The following MYO1A variants were observed in gnomAD, a reference collection of about 807,000 sequenced individuals.
MYO1A encodes unconventional myosin-Ia.
A neutral mutation model predicts 138.5 loss-of-function variants in MYO1A; 127 were observed. The observed-to-expected ratio is 0.92, with a 90% CI of 0.79 to 1.06. MYO1A has a LOEUF of 1.06. MYO1A is among the 50% of genes least tolerant of loss of function. The pLI is 0.00. For synonymous variants in MYO1A, 477 were observed against 497.5 expected (o/e 0.96, Z 0.55); for missense variants, 1,211 against 1,288.8 (o/e 0.94, Z 0.92).
chr12:57,037,455 C>T (rs2030611105), intron 19 of MYO1A, 93 bp downstream of exon 19: 1 of 1,110,354 alleles, frequency 9.0e-7, no homozygotes, highest in Admixed American at 1.7e-5. Flanking sequence ...TGATCCATTC[C>T]AGGTTATACA....
Position 57,036,826 on chromosome 12 carries a change from A to T in MYO1A, c.2220T>A (p.Tyr740Ter). The T allele has an allele frequency of 6.2e-7, 1 of 1,614,240 alleles. No individual in the cohort carries two copies. Among genetic ancestry groups the T allele is most frequent in the Non-Finnish European group, 8.5e-7 (1 of 1,180,048 alleles). ...WFRGNMQKKC[Y>*]GKIKASVLLI... Reference sequence around the variant, plus strand: ...ATAACACGGATGCCTTTATCTTCCCATAGCATTTCTTTTGCTGTAGAAAAC... The same window carrying T: ...ATAACACGGATGCCTTTATCTTCCCTTAGCATTTCTTTTGCTGTAGAAAAC... Residue 740 changes from tyrosine to a stop codon, truncating the protein, a stop_gained, in exon 21 of 28, where the codon TAT becomes TAA. Transcript: ENST00000300119. LOFTEE classifies it high-confidence loss of function.
intron 22 of MYO1A, among the ~76,000 whole-genome samples, chr12:57,034,743 C>T (rs1481676185): frequency 1.3e-5 from 2 of 151,690 alleles, no homozygotes; most frequent in Non-Finnish European, 2.9e-5. Context: ...CCGAGATGGG[C>T]GGGTCACTTG....
chr12:57,041,726 T>G (rs1430524310), intron 12 of MYO1A, among the ~76,000 whole-genome samples: 1 of 151,912 alleles, frequency 6.6e-6, no homozygotes, highest in African/African-American at 2.4e-5. Context: ...AGGATGGTGC[T>G]CCGATGGTAC....
Position 57,038,865 on chromosome 12 carries a change from G to A in MYO1A, c.1477C>T (p.Gln493Ter). ...ESKVTQNAQR[Q>*]YDHTMGLSCF... ...CTGAGGCCCATGGTGTGGTCATACT[G>A]ACGCTGGGCATTCTGGGTGACTTTG... is the stretch of plus-strand genomic sequence containing the variant. The change falls in exon 16 of 28, where the codon CAG (glutamine) becomes TAG (stop). Residue 493 changes from glutamine to a stop codon, truncating the protein, a stop_gained. Coordinates refer to ENST00000300119, the MANE Select transcript of MYO1A (RefSeq NM_005379.4). LOFTEE classifies it high-confidence loss of function. 2 of 1,614,190 alleles carry A rather than the reference G, an allele frequency of 1.2e-6. No homozygotes were observed. The highest frequency in any genetic ancestry group is 1.7e-6 in the Non-Finnish European group (2 of 1,180,044).
At chr12:57,036,134 G>A (rs2030530095) in intron 22 of MYO1A, among the ~76,000 whole-genome samples, 173 bp downstream of exon 22, 1 of 152,190 alleles carries the variant, frequency 6.6e-6, no homozygotes, top group South Asian at 2.1e-4. Context: ...CCGAGTCCAA[G>A]GCACTGGGGC....
chr12:57,047,505 A>G, intron 4 of MYO1A, 98 bp from the exon 5 acceptor site: 1 of 1,488,886 alleles, frequency 6.7e-7, no homozygotes, highest in Non-Finnish European at 9.4e-7. Context: ...CACCCCTTGG[A>G]GTCAGAAAAA....
rs751946820 is a variant in MYO1A at position 57,039,244 on chromosome 12, C to G, written c.1300G>C (p.Asp434His). 2.5e-5 allele frequency: 40 copies of G among 1,614,140 alleles called. No homozygotes were observed. Among genetic ancestry groups the G allele is most frequent in the Non-Finnish European group, 3.1e-5 (37 of 1,180,008 alleles). The change falls in exon 15 of 28, where the codon GAT (aspartate) becomes CAT (histidine). Residue 434 changes from aspartate to histidine, a missense_variant. Transcript: ENST00000300119. Reference sequence around the variant, plus strand: ...ATGAGCTTACAAATGATGCCATTATCAAAGTAGTCCACCTTTGTCCACGGT... The same window carrying G: ...ATGAGCTTACAAATGATGCCATTATGAAAGTAGTCCACCTTTGTCCACGGT... ...GIPWTKVDYF[D>H]NGIICKLIEH...
chr12:57,042,999 G>T, intron 12 of MYO1A, 73 bp downstream of exon 12: 1 of 1,473,356 alleles, frequency 6.8e-7, no homozygotes, highest in Non-Finnish European at 9.5e-7. Context: ...CAGAAACCAA[G>T]ATATAGGGCT....
At position 57,028,896 on chromosome 12, in the gene MYO1A, GA is replaced by G; in HGVS notation, c.3006-16del. ...TCACTGAGAACCTGGAGAGGGAACAGAAAACCAAGTCTAGTGCCCATCCCCT... is the reference window on the plus strand; with the variant it reads ...TCACTGAGAACCTGGAGAGGGAACAGAAACCAAGTCTAGTGCCCATCCCCT... On this transcript the variant is annotated splice_polypyrimidine_tract_variant and intron_variant, in intron 27 of 27. Transcript: ENST00000300119. 1 of 1,613,792 alleles carries G rather than the reference GA, an allele frequency of 6.2e-7. No individual in the cohort carries two copies. Among genetic ancestry groups the G allele is most frequent in the Non-Finnish European group, 8.5e-7 (1 of 1,179,864 alleles).
At position 57,036,296 on chromosome 12, in the gene MYO1A, C is replaced by T; in HGVS notation, c.2349+11G>A. The T allele has an allele frequency of 6.2e-7, 1 of 1,613,292 alleles. No individual in the cohort carries two copies. Among genetic ancestry groups the T allele is most frequent in the East Asian group, 2.2e-5 (1 of 44,882 alleles). ...CCATCCCTAACATCCACCCTAACCCCTACCACTTACCATGCTCTTGTAGAT... is the reference window on the plus strand; with the variant it reads ...CCATCCCTAACATCCACCCTAACCCTTACCACTTACCATGCTCTTGTAGAT... On this transcript the variant is annotated intron_variant, in intron 22 of 27. Coordinates refer to ENST00000300119, the MANE Select transcript of MYO1A (RefSeq NM_005379.4).
intron 27 of MYO1A, 88 bp downstream of exon 27, chr12:57,029,044 C>T (rs2030124115): frequency 1.2e-6 from 2 of 1,612,044 alleles, no homozygotes; most frequent in Non-Finnish European, 1.7e-6. Flanking sequence ...CACTGCCCTA[C>T]ATGCTTCGCT....
chr12:57,029,944 C>G, intron 24 of MYO1A, 72 bp from the exon 25 acceptor site: 1 of 1,610,864 alleles, frequency 6.2e-7, no homozygotes, highest in East Asian at 2.2e-5. Flanking sequence ...AGTTCCCATC[C>G]TAGTCCTCCC....
chr12:57,038,908 C>A lies in MYO1A; in HGVS notation c.1434G>T (p.Lys478Asn). The change falls in exon 16 of 28, where the codon AAG (lysine) becomes AAT (asparagine). Residue 478 changes from lysine to asparagine, a missense_variant. Lys to Asn is a moderately conservative substitution (Grantham distance 94). Coordinates refer to ENST00000300119, the MANE Select transcript of MYO1A (RefSeq NM_005379.4). ...FLAKLNQLFS[K>N]HGHYESKVTQ... is the part of the protein sequence containing the mutation. ...TGACTTTGCTCTCGTAGTGGCCATG[C>A]TTGGAGAAGAGCTGGTTCAGCTTTG... 1.2e-6 allele frequency: 2 copies of A among 1,614,180 alleles called. No individual in the cohort carries two copies. Among genetic ancestry groups the A allele is most frequent in the Non-Finnish European group, 1.7e-6 (2 of 1,180,028 alleles).
At chr12:57,046,960 T>C in intron 6 of MYO1A, 34 bp from the exon 7 acceptor site, 1 of 1,612,254 alleles carries the variant, frequency 6.2e-7, no homozygotes, top group Non-Finnish European at 8.5e-7. Flanking sequence ...AGACTTAGCT[T>C]CTTCCTCTTC....
Position 57,047,697 on chromosome 12 carries a change from G to A in MYO1A, c.255C>T (p.Tyr85=). 1.2e-6 allele frequency: 2 copies of A among 1,614,182 alleles called. No individual in the cohort carries two copies. Among genetic ancestry groups the A allele is most frequent in the Non-Finnish European group, 1.7e-6 (2 of 1,180,032 alleles). The change falls in exon 4 of 28, where the codon TAC becomes TAT. Residue 85 remains tyrosine (Y), a synonymous_variant. Transcript: ENST00000300119. ...PHIYALANVA[Y]QSLRDRDRDQ... is the part of the protein sequence containing the mutation. The stretch of plus-strand genomic sequence containing the variant: ...CTCGGTCCCTGTCCCTCAGTGACTG[G>A]TACGCCACATTTGCCAATGCGTAGC...
chr12:57,048,690 G>C (rs887176753), intron 1 of MYO1A, among the ~76,000 whole-genome samples: 1 of 152,126 alleles, frequency 6.6e-6, no homozygotes, highest in South Asian at 2.1e-4. Context: ...GGCTGAGGAG[G>C]AAAGTGTAAG....
At chr12:57,044,598 A>G (rs1447604623) in intron 8 of MYO1A, among the ~76,000 whole-genome samples, 2 of 152,158 alleles carry the variant, frequency 1.3e-5, no homozygotes. Context: ...TATGTTGGCC[A>G]GGCTGGTCTT....
chr12:57,046,953 CTT>C, intron 6 of MYO1A, 27 bp from the exon 7 acceptor site: 4 of 1,612,048 alleles, frequency 2.5e-6, no homozygotes, highest in Non-Finnish European at 2.5e-6. Context: ...GAGAGAGAGA[CTT>C]AGCTTCTTCC....
rs201537062 is a variant in MYO1A at position 57,030,994 on chromosome 12, G to GA, written c.2484+45dup. Reference sequence around the variant, plus strand: ...GCAAAAGAGGAAAATCAGGGGGAGGGAAAAAAAAGACGAAATGAGAGGAGG... The same window carrying GA: ...GCAAAAGAGGAAAATCAGGGGGAGGGAAAAAAAAAGACGAAATGAGAGGAGG... On this transcript the variant is annotated intron_variant, in intron 23 of 27. Transcript: ENST00000300119. 5.6e-4 allele frequency: 899 copies of GA among 1,603,824 alleles called. 4 individuals are homozygous for GA. In the African/African-American group the frequency reaches 0.01, roughly 19 times the overall value.
Sources: allele counts gnomAD v4.1 joint callset (sites outside exome capture counted in the v4.1 genomes callset), GRCh38; gene constraint gnomAD v4.1.1; transcripts MANE v1.5; gene names NCBI Gene and HGNC (gene_info 2026-07-23, HGNC 2026-07-21).